The following R3HCC1L variants were observed in gnomAD, a reference collection of about 807,000 sequenced individuals.
The protein encoded by R3HCC1L is R3H domain and coiled-coil containing 1 like.
R3HCC1L carries 51 observed loss-of-function variants against 59.9 expected under a neutral mutation model. That is an observed-to-expected ratio of 0.85 (90% CI 0.68 to 1.07). R3HCC1L has a LOEUF of 1.07. Among genes scored for constraint, R3HCC1L ranks in the 50% least tolerant of loss-of-function variants. The pLI is 0.00. For missense variants in R3HCC1L, 965 were observed against 933.0 expected, an observed-to-expected ratio of 1.03 and a Z score of -0.45; for synonymous variants, 322 against 315.2, an observed-to-expected ratio of 1.02 and a Z score of -0.23.
intron 1 of R3HCC1L, among the ~76,000 whole-genome samples, chr10:98,153,146 C>T (rs1000943953): frequency 3.9e-5 from 6 of 152,228 alleles, no homozygotes; most frequent in Admixed American, 2.6e-4. Context: ...GCCATGATGA[C>T]AATGGCGGTT....
intron 9 of R3HCC1L, among the ~76,000 whole-genome samples, chr10:98,241,677 T>G (rs1192418512): frequency 2.0e-5 from 3 of 152,194 alleles, no homozygotes; most frequent in African/African-American, 7.2e-5. Context: ...GGGACATGTT[T>G]CTTTGTCTTT....
intron 4 of R3HCC1L, among the ~76,000 whole-genome samples, 165 bp downstream of exon 4, chr10:98,163,562 A>T (rs1239175985): frequency 1.3e-5 from 2 of 152,234 alleles, no homozygotes; most frequent in East Asian, 3.9e-4. Context: ...TCTTTTGAAG[A>T]TTTTCTTACT....
At chr10:98,212,204 A>C (rs1853661544) in intron 5 of R3HCC1L, among the ~76,000 whole-genome samples, 1 of 152,218 alleles carries the variant, frequency 6.6e-6, no homozygotes, top group Non-Finnish European at 1.5e-5. Flanking sequence ...AAATCCAGCA[A>C]CATTAATAGC....
At chr10:98,141,506 A>C (rs538016168) in intron 1 of R3HCC1L, among the ~76,000 whole-genome samples, 39 of 152,354 alleles carry the variant, frequency 2.6e-4, no homozygotes, top group African/African-American at 9.1e-4. Context: ...AAGCCATTCC[A>C]AAACATAATG....
chr10:98,227,060 T>C (rs1158176770), intron 5 of R3HCC1L, among the ~76,000 whole-genome samples: 1 of 152,220 alleles, frequency 6.6e-6, no homozygotes, highest in Non-Finnish European at 1.5e-5. Context: ...TTCTGCTTTC[T>C]ACATCCTAAG....
At chr10:98,213,978 A>G (rs1853881568) in intron 5 of R3HCC1L, among the ~76,000 whole-genome samples, 1 of 152,164 alleles carries the variant, frequency 6.6e-6, no homozygotes, top group African/African-American at 2.4e-5. Context: ...TTTATTGTTC[A>G]ATCCATTAGT....
intron 5 of R3HCC1L, among the ~76,000 whole-genome samples, chr10:98,214,404 A>G (rs1163468265): frequency 6.6e-6 from 1 of 152,168 alleles, no homozygotes; most frequent in East Asian, 1.9e-4. Flanking sequence ...AAAATCTTAA[A>G]TTGATTTTCT....
intron 1 of R3HCC1L, among the ~76,000 whole-genome samples, chr10:98,140,703 A>G (rs577343490): frequency 2.3e-4 from 35 of 152,348 alleles, no homozygotes; most frequent in African/African-American, 7.9e-4. Context: ...ATAAACAGAT[A>G]TTAATAGTAA....
chr10:98,195,631 T>C (rs1040491202), intron 4 of R3HCC1L, among the ~76,000 whole-genome samples: 1 of 152,162 alleles, frequency 6.6e-6, no homozygotes, highest in African/African-American at 2.4e-5. Flanking sequence ...AAACTTTTCC[T>C]AAAAGTAGAT....
chr10:98,167,287 TG>T (rs1848046347), intron 4 of R3HCC1L, among the ~76,000 whole-genome samples: 2 of 152,212 alleles, frequency 1.3e-5, no homozygotes, highest in Admixed American at 6.5e-5. Context: ...GAATAAACTT[TG>T]AAACTGCATA....
rs762302019 is a variant in R3HCC1L, at chr10:98,209,241, G to A, written c.1127G>A (p.Cys376Tyr). Residue 376 changes from cysteine (C) to tyrosine (Y), a missense_variant, in exon 5 of 10, where the codon TGT becomes TAT. Transcript: ENST00000298999. ...KNVGDITNKACMMDTTGMSCS... is the reference protein window; with the variant it reads ...KNVGDITNKAYMMDTTGMSCS... ...GTAGGTGACATTACCAATAAAGCATGTATGATGGACACTACAGGTATGTCC... is the reference window on the plus strand; with the variant it reads ...GTAGGTGACATTACCAATAAAGCATATATGATGGACACTACAGGTATGTCC... 6.2e-7 allele frequency: 1 copy of A among 1,613,896 alleles called. No homozygotes were observed. Among genetic ancestry groups the A allele is most frequent in the South Asian group, 1.1e-5 (1 of 91,064 alleles).
In R3HCC1L at chr10:98,163,384, A is replaced by G. The variant is rs1847633587; in HGVS notation, c.-28A>G. 7.5e-6 allele frequency: 10 copies of G among 1,335,990 alleles called. No individual in the cohort carries two copies. Among genetic ancestry groups the G allele is most frequent in the Non-Finnish European group, 9.9e-6 (10 of 1,008,696 alleles). 82.8% of individuals were successfully genotyped at this position (1,335,990 alleles called of 1,614,324 possible). ...TAGAGTTTTATTACTAAGAAAATAA[A>G]TGTTACTTACATGGTAAGTTGCCTT... is the stretch of plus-strand genomic sequence containing the variant. On this transcript the variant is annotated 5_prime_UTR_variant, in exon 4 of 10. An upstream start codon of the reference 5' UTR is lost. Coordinates refer to ENST00000298999, the MANE Select transcript of R3HCC1L (RefSeq NM_001351015.2).
chr10:98,223,523 TC>T (rs1263636326), intron 5 of R3HCC1L, among the ~76,000 whole-genome samples: 1 of 151,980 alleles, frequency 6.6e-6, no homozygotes, highest in African/African-American at 2.4e-5. Flanking sequence ...GGATTGGCTT[TC>T]ATAGGGAAAA....
intron 4 of R3HCC1L, chr10:98,174,616 GTTAGACA>G (rs1848818911): frequency 1.0e-6 from 1 of 985,174 alleles, no homozygotes; most frequent in Non-Finnish European, 1.2e-6. Context: ...TTAGGAGGGC[GTTAGACA>G]TTATCAAGGA....
At chr10:98,150,974 CG>C (rs1042936396) in intron 1 of R3HCC1L, among the ~76,000 whole-genome samples, 3 of 151,838 alleles carry the variant, frequency 2.0e-5, no homozygotes, top group East Asian at 3.9e-4. Flanking sequence ...GATTGTGAGT[CG>C]GGGGGAAATT....
intron 1 of R3HCC1L, among the ~76,000 whole-genome samples, chr10:98,135,338 C>T (rs1325829499): frequency 6.6e-6 from 1 of 152,226 alleles, no homozygotes; most frequent in African/African-American, 2.4e-5. Context: ...CGCCACTTGG[C>T]TGGACCTGTG....
At chr10:98,212,387 A>G (rs751420357) in intron 5 of R3HCC1L, among the ~76,000 whole-genome samples, 3 of 152,172 alleles carry the variant, frequency 2.0e-5, no homozygotes, top group Non-Finnish European at 2.9e-5. Flanking sequence ...AGGTATGTCT[A>G]ATACTTCTAA....
At chr10:98,194,178 C>G (rs1253162171) in intron 4 of R3HCC1L, among the ~76,000 whole-genome samples, 1 of 152,008 alleles carries the variant, frequency 6.6e-6, no homozygotes, top group Non-Finnish European at 1.5e-5. Context: ...GAAATAAACC[C>G]ACGTATAGTC....
At chr10:98,158,853 C>G (rs1444516363) in intron 2 of R3HCC1L, among the ~76,000 whole-genome samples, 1 of 151,060 alleles carries the variant, frequency 6.6e-6, no homozygotes, top group Non-Finnish European at 1.5e-5. Flanking sequence ...GTTGCCCAGG[C>G]TGGAGTACAG....
Sources: gnomAD v4.1 joint callset for allele counts (sites outside exome capture counted in the v4.1 genomes callset) on GRCh38, gnomAD v4.1.1 for gene constraint, MANE v1.5 for transcripts, NCBI Gene and HGNC (gene_info 2026-07-23, HGNC 2026-07-21) for gene names.